MTRR: variants seen among roughly 807,000 people sequenced by gnomAD.
The protein encoded by MTRR is 5-methyltetrahydrofolate-homocysteine methyltransferase reductase.
In MTRR, 63 loss-of-function variants were observed where a neutral mutation model predicts 79.2. That is an observed-to-expected ratio of 0.80 (90% CI 0.65 to 0.98). MTRR has a LOEUF of 0.98. Among genes scored for constraint, MTRR ranks in the 50% least tolerant of loss-of-function variants. MTRR has a pLI of 0.00. For synonymous variants in MTRR, 355 were observed against 313.3 expected, an observed-to-expected ratio of 1.13 and a Z score of -1.41; for missense variants, 895 against 839.6, an observed-to-expected ratio of 1.07 and a Z score of -0.82.
intron 1 of MTRR, chr5:7,869,846 C>T (rs755324341): frequency 4.3e-5 from 7 of 163,332 alleles, no homozygotes; most frequent in South Asian, 1.9e-4. Context: ...ATCGTTTCCA[C>T]CGTTTTCTGT....
At chr5:7,875,444 T>C (rs1193586167) in intron 4 of MTRR, 69 bp downstream of exon 4, 1 of 1,303,980 alleles carries the variant, frequency 7.7e-7, no homozygotes, top group Non-Finnish European at 1.1e-6. Context: ...TTGTAAAACA[T>C]GTCAGCTTTT....
intron 1 of MTRR, among the ~76,000 whole-genome samples, chr5:7,854,875 G>C (rs1047401893): frequency 6.6e-6 from 1 of 152,190 alleles, no homozygotes; most frequent in Non-Finnish European, 1.5e-5. Flanking sequence ...AAAGAGGTAG[G>C]CTGGGAGGCT....
intron 3 of MTRR, 71 bp downstream of exon 3, chr5:7,873,597 G>T: frequency 6.5e-7 from 1 of 1,547,426 alleles, no homozygotes; most frequent in Non-Finnish European, 8.9e-7. Flanking sequence ...TTATCTTTCA[G>T]AACTATGAAG....
At chr5:7,878,382 T>C (rs1734948491) in intron 5 of MTRR, 60 bp downstream of exon 5, 2 of 1,590,800 alleles carry the variant, frequency 1.3e-6, no homozygotes, top group Admixed American at 1.7e-5. Context: ...TGCTTTGGGC[T>C]TTTAAATTAT....
Position 7,883,164 on chromosome 5 carries a change from C to T in MTRR, c.790C>T (p.Gln264Ter). The T allele has an allele frequency of 6.2e-7, 1 of 1,614,126 alleles. No individual in the cohort carries two copies. Among genetic ancestry groups the T allele is most frequent in the South Asian group, 1.1e-5 (1 of 91,088 alleles). ...LQESLGQEES[Q>*]VSVTSADPVF... ...ACATTTGTTTTTCAAGGAGGAAAGC[C>T]AAGTATCTGTGACTTCAGCAGATCC... The change falls in exon 6 of 15, where the codon CAA becomes TAA. Residue 264 changes from glutamine (Q) to a stop codon, truncating the protein, a stop_gained. Coordinates refer to ENST00000440940, the MANE Select transcript of MTRR (RefSeq NM_002454.3). LOFTEE classifies it high-confidence loss of function.
intron 1 of MTRR, chr5:7,869,453 G>T (rs1251784114): frequency 1.6e-5 from 9 of 561,406 alleles, no homozygotes; most frequent in South Asian, 2.0e-5. Flanking sequence ...GCCGCGGGAG[G>T]CCCCTGGGCG....
intron 5 of MTRR, among the ~76,000 whole-genome samples, chr5:7,879,969 T>C (rs1671606508): frequency 6.6e-6 from 1 of 152,240 alleles, no homozygotes; most frequent in African/African-American, 2.4e-5. Flanking sequence ...AGGTATGGAA[T>C]GTGCTACCCA....
chr5:7,897,065 A>G lies in MTRR; in HGVS notation c.1770A>G (p.Arg590=), dbSNP rs982887705. The G allele has an allele frequency of 1.4e-5, 23 of 1,614,062 alleles. No individual in the cohort carries two copies. Among genetic ancestry groups the G allele is most frequent in the Non-Finnish European group, 1.9e-5 (22 of 1,179,936 alleles). The change falls in exon 14 of 15, where the codon AGA becomes AGG. Residue 590 remains arginine, a splice_region_variant and synonymous_variant. Coordinates refer to ENST00000440940, the MANE Select transcript of MTRR (RefSeq NM_002454.3). Reference sequence around the variant, plus strand: ...TGATCCATTATATATTATATTTCAGAAAAGAGCTCAGACATTTCCTTAAGC... The same window carrying G: ...TGATCCATTATATATTATATTTCAGGAAAGAGCTCAGACATTTCCTTAAGC... The part of the protein sequence containing the change: ...CRHKDRDYLF[R]KELRHFLKHG...
chr5:7,869,046 A>T, upstream of MTRR: 1 of 1,511,976 alleles, frequency 6.6e-7, no homozygotes. Context: ...CTCCGTAGCA[A>T]ACGCGGGGCG....
At chr5:7,899,168 C>T (rs1036648451) in intron 14 of MTRR, among the ~76,000 whole-genome samples, 12 of 152,168 alleles carry the variant, frequency 7.9e-5, no homozygotes, top group Admixed American at 4.6e-4. Flanking sequence ...GGCATCTGCC[C>T]CCATGACCCA....
intron 2 of MTRR, among the ~76,000 whole-genome samples, chr5:7,871,783 C>T (rs934097514): frequency 6.6e-6 from 1 of 152,164 alleles, no homozygotes; most frequent in East Asian, 1.9e-4. Flanking sequence ...CTCTGGACAC[C>T]AGAGAAAAGG....
rs1001569411 is a variant in MTRR at position 7,892,709 on chromosome 5, G to A, written c.1371-18G>A. On this transcript the variant is annotated intron_variant, in intron 10 of 14. Transcript: ENST00000440940. The stretch of plus-strand genomic sequence containing the variant: ...AGTACTGATATCGAGTTCAAAACTT[G>A]TCTGTGTATCTTTGCAGCTCAAGTT... 5 of 1,614,014 alleles carry A rather than the reference G, an allele frequency of 3.1e-6. No homozygotes were observed. In the African/African-American group the frequency reaches 5.3e-5, roughly 17 times the overall value.
upstream of MTRR, chr5:7,867,870 C>A (rs978202380): frequency 1.9e-6 from 3 of 1,614,162 alleles, no homozygotes; most frequent in Non-Finnish European, 2.5e-6. Context: ...GGATGAAGGT[C>A]ATTTCCATTT....
intron 2 of MTRR, among the ~76,000 whole-genome samples, chr5:7,863,863 T>A (rs1236997305): frequency 6.6e-6 from 1 of 152,196 alleles, no homozygotes; most frequent in Non-Finnish European, 1.5e-5. Flanking sequence ...TTTGTTTTTG[T>A]TTCTGAGACA....
chr5:7,861,169 G>A (rs1746506752), intron 1 of MTRR: 1 of 1,607,332 alleles, frequency 6.2e-7, no homozygotes, highest in Non-Finnish European at 8.5e-7. Flanking sequence ...TGATAACCGA[G>A]TAACTGTAGG....
At chr5:7,887,795 T>TATATACATATATATATAC (rs1212072055) in intron 8 of MTRR, among the ~76,000 whole-genome samples, 1 of 17,096 alleles carries the variant, frequency 5.8e-5, no homozygotes, top group Admixed American at 6.1e-4. Flanking sequence ...TGTGTGTGCA[T>TATATACATATATATATAC]ATATATATAT....
At chr5:7,894,868 C>G (rs557968097) in intron 11 of MTRR, among the ~76,000 whole-genome samples, 2 of 152,240 alleles carry the variant, frequency 1.3e-5, no homozygotes, top group South Asian at 2.1e-4. Flanking sequence ...ATGGTGAATA[C>G]TTTCAGTAAA....
rs761061866 is a variant in MTRR, at chr5:7,873,409, G to T, written c.166G>T (p.Val56Leu). 1.2e-6 allele frequency: 2 copies of T among 1,614,142 alleles called. No homozygotes were observed. Among genetic ancestry groups the T allele is most frequent in the Non-Finnish European group, 1.7e-6 (2 of 1,180,022 alleles). ...LKTETAPLVVVVSTTGTGDPP... is the reference protein window; with the variant it reads ...LKTETAPLVVLVSTTGTGDPP... ...AACCGAAACAGCTCCTCTTGTTGTT[G>T]TGGTTTCTACCACGGGCACCGGAGA... The change falls in exon 3 of 15, where the codon GTG (valine) becomes TTG (leucine). Residue 56 changes from valine (V) to leucine (L), a missense_variant. Coordinates refer to ENST00000440940, the MANE Select transcript of MTRR (RefSeq NM_002454.3).
At chr5:7,881,115 T>G (rs1735509908) in intron 5 of MTRR, among the ~76,000 whole-genome samples, 1 of 152,084 alleles carries the variant, frequency 6.6e-6, no homozygotes, top group Non-Finnish European at 1.5e-5. Context: ...ACATGCCTCC[T>G]TGATTTCTTT....
Sources: gnomAD v4.1 joint callset for allele counts (sites outside exome capture counted in the v4.1 genomes callset) on GRCh38, gnomAD v4.1.1 for gene constraint, MANE v1.5 for transcripts, NCBI Gene and HGNC (gene_info 2026-07-23, HGNC 2026-07-21) for gene names.